Variants in NUP210L observed in about 807,000 individuals in gnomAD.
The protein encoded by NUP210L is nuclear pore membrane glycoprotein 210-like.
Under a neutral mutation model 208.5 loss-of-function variants are expected in NUP210L, and 74 were observed. The ratio of observed to expected loss-of-function variants is 0.35; its 90% CI spans 0.29 to 0.43. The LOEUF (loss-of-function observed/expected upper bound fraction) is 0.43. NUP210L is among the 20% of genes least tolerant of loss of function. NUP210L has a pLI of 1.00. For synonymous variants in NUP210L, 780 were observed against 816.9 expected (o/e 0.95, Z 0.77); for missense variants, 1,843 against 2,289.4 (o/e 0.81, Z 3.98).
intron 27 of NUP210L, among the ~76,000 whole-genome samples, chr1:154,043,626 G>A (rs1653011887): frequency 7.5e-6 from 1 of 133,322 alleles, no homozygotes; most frequent in African/African-American, 2.7e-5. Context: ...ACTGCACCCG[G>A]CCTTTTTTTT....
At chr1:154,044,036 A>G (rs1653037687) in intron 27 of NUP210L, among the ~76,000 whole-genome samples, 1 of 152,208 alleles carries the variant, frequency 6.6e-6, no homozygotes, top group South Asian at 2.1e-4. Flanking sequence ...CATAAAAAAA[A>G]TTAAAGAAAG....
At chr1:154,148,202 G>A (rs1406767408) in intron 2 of NUP210L, among the ~76,000 whole-genome samples, 2 of 151,760 alleles carry the variant, frequency 1.3e-5, no homozygotes, top group Admixed American at 1.3e-4. Context: ...GGGAGACGGA[G>A]GTTGCAGTCA....
intron 9 of NUP210L, 40 bp from the exon 10 acceptor site, chr1:154,126,503 G>A: frequency 6.4e-7 from 1 of 1,553,008 alleles, no homozygotes; most frequent in Non-Finnish European, 8.7e-7. Context: ...CTGAAGATAT[G>A]TTCTTTCCCT....
At chr1:154,096,580 G>A (rs1429622913) in intron 14 of NUP210L, among the ~76,000 whole-genome samples, 13 of 151,838 alleles carry the variant, frequency 8.6e-5, no homozygotes, top group Admixed American at 8.6e-4. Context: ...GGCCAACATG[G>A]TGAAATCCCA....
intron 10 of NUP210L, among the ~76,000 whole-genome samples, chr1:154,123,880 A>C (rs975573114): frequency 3.5e-5 from 5 of 142,546 alleles, no homozygotes; most frequent in African/African-American, 1.3e-4. Flanking sequence ...TGTCTCAATT[A>C]AAAAAAAAAA....
chr1:154,154,108 AC>A (rs913363400), intron 1 of NUP210L, among the ~76,000 whole-genome samples: 3 of 151,990 alleles, frequency 2.0e-5, no homozygotes, highest in East Asian at 3.9e-4. Flanking sequence ...AGTTGTGTGT[AC>A]CCCCTGTCCT....
chr1:154,020,058 T>G (rs1651469813), intron 32 of NUP210L, among the ~76,000 whole-genome samples: 1 of 152,256 alleles, frequency 6.6e-6, no homozygotes, highest in Non-Finnish European at 1.5e-5. Context: ...GGTCCTGGAT[T>G]GCATGTTGGT....
At position 154,009,126 on chromosome 1, in the gene NUP210L, T is replaced by TCTCC. The variant is rs1220463188; in HGVS notation, c.4930+842_4930+845dup. Among the ~76,000 whole-genome samples the TCTCC allele has an allele frequency of 3.9e-5, 6 of 151,920 alleles. No homozygotes were observed. The East Asian group carries it at 1.2e-3, about 29-fold the overall frequency. ...GGTTTCATCATGTTGGCCAGGCTGG[T>TCTCC]CTCCGAAGCCCTGACCTCAGGTGAT... On this transcript the variant is annotated intron_variant, in intron 35 of 39. Transcript: ENST00000368559.
chr1:154,068,163 A>T (rs1264256883), intron 17 of NUP210L, among the ~76,000 whole-genome samples: 1 of 152,204 alleles, frequency 6.6e-6, no homozygotes, highest in Non-Finnish European at 1.5e-5. Context: ...TGGAGGCATC[A>T]CACTACCTGA....
At chr1:154,080,973 C>T (rs927447289) in intron 16 of NUP210L, among the ~76,000 whole-genome samples, 1 of 137,780 alleles carries the variant, frequency 7.3e-6, no homozygotes. Flanking sequence ...GACTGTGCTT[C>T]CGAAAAAAAA....
chr1:154,110,165 G>A (rs919454203), intron 12 of NUP210L, among the ~76,000 whole-genome samples: 3 of 149,716 alleles, frequency 2.0e-5, no homozygotes, highest in Non-Finnish European at 4.4e-5. Flanking sequence ...AACCCAGGAG[G>A]CACAGGTTGC....
chr1:154,004,662 T>C (rs1650406497), intron 35 of NUP210L, among the ~76,000 whole-genome samples: 1 of 151,832 alleles, frequency 6.6e-6, no homozygotes, highest in Non-Finnish European at 1.5e-5. Context: ...CTTTTCTTTC[T>C]TTGAGACAGG....
intron 27 of NUP210L, among the ~76,000 whole-genome samples, chr1:154,033,584 C>T (rs1652371827): frequency 6.6e-6 from 1 of 152,080 alleles, no homozygotes. Flanking sequence ...TCTGGGTTCT[C>T]TATTCTGTTC....
At chr1:154,106,734 C>G (rs1201432700) in intron 12 of NUP210L, among the ~76,000 whole-genome samples, 1 of 152,210 alleles carries the variant, frequency 6.6e-6, no homozygotes, top group African/African-American at 2.4e-5. Flanking sequence ...CCAGGGAATT[C>G]TCCCGGATCT....
At chr1:154,142,592 A>G (rs1658908251) in intron 3 of NUP210L, among the ~76,000 whole-genome samples, 1 of 152,138 alleles carries the variant, frequency 6.6e-6, no homozygotes, top group Non-Finnish European at 1.5e-5. Context: ...AGATTTGGGT[A>G]TCTAAGAAAA....
intron 37 of NUP210L, among the ~76,000 whole-genome samples, chr1:153,996,826 C>G (rs182149088): frequency 1.3e-5 from 2 of 149,514 alleles, no homozygotes; most frequent in Non-Finnish European, 3.0e-5. Context: ...TAACCTTATC[C>G]TCAATAAAAC....
chr1:154,039,035 G>T (rs1438307634), intron 27 of NUP210L, among the ~76,000 whole-genome samples: 1 of 152,064 alleles, frequency 6.6e-6, no homozygotes, highest in Non-Finnish European at 1.5e-5. Flanking sequence ...GATACGAGTA[G>T]TTTATACACC....
At chr1:154,136,517 A>C (rs900891034) in intron 6 of NUP210L, among the ~76,000 whole-genome samples, 10 of 151,796 alleles carry the variant, frequency 6.6e-5, no homozygotes, top group African/African-American at 2.4e-4. Context: ...GAAAGAAAGA[A>C]TTGGTTTTGC....
At chr1:154,070,166 G>A (rs540680838) in intron 17 of NUP210L, 107 bp downstream of exon 17, 18 of 830,546 alleles carry the variant, frequency 2.2e-5, no homozygotes, top group Non-Finnish European at 3.0e-5. Flanking sequence ...AAACCTGCAC[G>A]TTGTGCACAT....
Sources: gnomAD v4.1 joint callset for allele counts (sites outside exome capture counted in the v4.1 genomes callset) on GRCh38, gnomAD v4.1.1 for gene constraint, MANE v1.5 for transcripts, NCBI Gene and HGNC (gene_info 2026-07-23, HGNC 2026-07-21) for gene names.